The following LHFPL3 variants were observed in gnomAD, a reference collection of about 807,000 sequenced individuals.
The protein encoded by LHFPL3 is LHFPL tetraspan subfamily member 3 protein.
LHFPL3 carries 5 observed loss-of-function variants against 19.3 expected under a neutral mutation model. That is an observed-to-expected ratio of 0.26 (90% CI 0.14 to 0.54). The LOEUF (loss-of-function observed/expected upper bound fraction) is 0.54. Ranked by LOEUF, LHFPL3 falls within the 20% of genes least tolerant of loss-of-function variation. The pLI is 0.94. For missense variants in LHFPL3, 249 were observed against 307.4 expected, an observed-to-expected ratio of 0.81 and a Z score of 1.42; for synonymous variants, 133 against 126.2, an observed-to-expected ratio of 1.05 and a Z score of -0.36.
At chr7:104,476,464 T>TA (rs1212218802) in intron 1 of LHFPL3, among the ~76,000 whole-genome samples, 1 of 146,902 alleles carries the variant, frequency 6.8e-6, no homozygotes, top group South Asian at 2.1e-4. Context: ...TTTTTTTTTT[T>TA]ATTTTTATTT....
intron 1 of LHFPL3, among the ~76,000 whole-genome samples, chr7:104,696,209 C>A (rs1245632540): frequency 6.6e-6 from 1 of 152,198 alleles, no homozygotes; most frequent in Non-Finnish European, 1.5e-5. Flanking sequence ...CTCAGCCTCC[C>A]GGAGTGCTGG....
intron 1 of LHFPL3, among the ~76,000 whole-genome samples, chr7:104,516,085 A>G (rs571576239): frequency 3.3e-5 from 5 of 152,234 alleles, no homozygotes; most frequent in Admixed American, 3.3e-4. Flanking sequence ...TAAAGGAAAA[A>G]GGTTTAGTTG....
intron 1 of LHFPL3, among the ~76,000 whole-genome samples, chr7:104,506,789 C>G (rs529430257): frequency 1.3e-5 from 2 of 152,228 alleles, no homozygotes; most frequent in East Asian, 3.9e-4. Context: ...CCAAATGCAG[C>G]AGATATTTGG....
chr7:104,620,664 T>TCC (rs3047352), intron 1 of LHFPL3, among the ~76,000 whole-genome samples: 28,815 of 152,044 alleles, frequency 0.19, 3,039 homozygotes, highest in East Asian at 0.45. Flanking sequence ...GTAGCACTTT[T>TCC]CCCCCCAGTG....
chr7:104,387,236 C>T (rs892345370), intron 1 of LHFPL3, among the ~76,000 whole-genome samples: 6 of 152,068 alleles, frequency 3.9e-5, no homozygotes, highest in African/African-American at 1.4e-4. Flanking sequence ...GGTGTGGTGG[C>T]AGGTGCCTGT....
chr7:104,902,223 A>G (rs1403247503), intron 2 of LHFPL3, among the ~76,000 whole-genome samples: 1 of 152,038 alleles, frequency 6.6e-6, no homozygotes, highest in African/African-American at 2.4e-5. Flanking sequence ...CTATAAAAAA[A>G]AATTTTAAAT....
chr7:104,754,906 GAAGTTCTCACTTTTTGTCACC>G (rs1794253704), intron 2 of LHFPL3, among the ~76,000 whole-genome samples: 2 of 152,054 alleles, frequency 1.3e-5, no homozygotes, highest in Non-Finnish European at 2.9e-5. Context: ...TAGTGCTACA[GAAGTTCTCACTTTTTGTCACC>G]AGGTGCTAGG....
rs149366831 is a variant in LHFPL3 at position 104,710,298 on chromosome 7, C to T, written c.446-26377C>T. Among the ~76,000 whole-genome samples the T allele has an allele frequency of 2.6e-3, 389 of 152,336 alleles. 2 individuals carry two copies. The highest frequency in any genetic ancestry group is 7.2e-3 in the African/African-American group (298 of 41,572). ...TCAGTAACAGGCTTCAAGCCATGTA[C>T]TGCAACATGAATATTTGTTGGTGAG... On this transcript the variant is annotated intron_variant, in intron 1 of 2. Coordinates refer to ENST00000424859, the MANE Select transcript of LHFPL3 (RefSeq NM_199000.3).
chr7:104,898,512 A>G (rs1792412760), intron 2 of LHFPL3, among the ~76,000 whole-genome samples: 1 of 152,340 alleles, frequency 6.6e-6, no homozygotes, highest in Non-Finnish European at 1.5e-5. Context: ...TCTTTATGAC[A>G]GGTAGTTTTA....
chr7:104,395,746 A>T (rs953978712), intron 1 of LHFPL3, among the ~76,000 whole-genome samples: 1 of 152,010 alleles, frequency 6.6e-6, no homozygotes, highest in Non-Finnish European at 1.5e-5. Flanking sequence ...CTCAGCCTAG[A>T]TTTTTCTAGG....
At chr7:104,552,761 GCT>G (rs1474721499) in intron 1 of LHFPL3, among the ~76,000 whole-genome samples, 1 of 152,142 alleles carries the variant, frequency 6.6e-6, no homozygotes, top group Non-Finnish European at 1.5e-5. Context: ...GGATTTTTAA[GCT>G]TGCTGATTGT....
chr7:104,776,391 G>C (rs1327292470), intron 2 of LHFPL3, among the ~76,000 whole-genome samples: 1 of 152,182 alleles, frequency 6.6e-6, no homozygotes, highest in African/African-American at 2.4e-5. Flanking sequence ...CAAGCTCTAA[G>C]GAAGACACAA....
At chr7:104,708,445 T>A (rs1793232229) in intron 1 of LHFPL3, among the ~76,000 whole-genome samples, 1 of 152,224 alleles carries the variant, frequency 6.6e-6, no homozygotes, top group Admixed American at 6.5e-5. Flanking sequence ...ATTCCCAGAC[T>A]GCCTCAGCTT....
chr7:104,440,678 T>G (rs1450005108), intron 1 of LHFPL3, among the ~76,000 whole-genome samples: 2 of 152,104 alleles, frequency 1.3e-5, no homozygotes, highest in Admixed American at 6.6e-5. Flanking sequence ...AAACAGCAAT[T>G]TATATAGTTT....
intron 1 of LHFPL3, among the ~76,000 whole-genome samples, chr7:104,567,928 C>T (rs963631497): frequency 1.4e-4 from 21 of 152,264 alleles, no homozygotes; most frequent in Admixed American, 4.6e-4. Context: ...CCCCAATGCA[C>T]GTCTACTGCT....
intron 1 of LHFPL3, among the ~76,000 whole-genome samples, chr7:104,663,851 C>A (rs1360285607): frequency 6.6e-6 from 1 of 152,196 alleles, no homozygotes; most frequent in Non-Finnish European, 1.5e-5. Context: ...AACTATCACT[C>A]ACTCATACCT....
intron 1 of LHFPL3, among the ~76,000 whole-genome samples, chr7:104,529,117 G>C (rs1037869117): frequency 6.6e-6 from 1 of 152,158 alleles, no homozygotes; most frequent in Non-Finnish European, 1.5e-5. Flanking sequence ...AGGCCCAGGA[G>C]ATGGCTTATT....
At chr7:104,611,843 T>C (rs1264509438) in intron 1 of LHFPL3, among the ~76,000 whole-genome samples, 1 of 152,134 alleles carries the variant, frequency 6.6e-6, no homozygotes, top group Non-Finnish European at 1.5e-5. Context: ...AGCAAGAAGA[T>C]AATACAGACG....
chr7:104,329,340 C>G (rs1801526235), intron 1 of LHFPL3, 116 bp downstream of exon 1: 8 of 1,353,458 alleles, frequency 5.9e-6, no homozygotes, highest in Non-Finnish European at 7.9e-6. Context: ...GCCGCCTAAT[C>G]CGCTCAGGCG....
Sources: gnomAD v4.1 joint callset for allele counts (sites outside exome capture counted in the v4.1 genomes callset) on GRCh38, gnomAD v4.1.1 for gene constraint, MANE v1.5 for transcripts, NCBI Gene and HGNC (gene_info 2026-07-23, HGNC 2026-07-21) for gene names.